ZNF469: variants seen among roughly 807,000 people sequenced by gnomAD.
The protein encoded by ZNF469 is zinc finger protein 469.
In ZNF469, 1 loss-of-function variant was observed where a neutral mutation model predicts 1.0. The ratio of observed to expected loss-of-function variants is 1.00; its 90% CI spans 0.35 to 4.73. The LOEUF is 4.73. Ranked by LOEUF, ZNF469 falls within the 30% of genes most tolerant of loss-of-function variation. ZNF469 has a pLI of 0.16. For synonymous variants in ZNF469, 2,703 were observed against 2,363.4 expected (o/e 1.14, Z -4.17); for missense variants, 6,100 against 5,356.3 (o/e 1.14, Z -4.33).
Position 88,440,472 on chromosome 16 carries a change from GCTTC to G in ZNF469, c.*1145_*1148del, listed in dbSNP as rs1231459815. On this transcript the variant is annotated 3_prime_UTR_variant, in exon 3 of 3. Coordinates refer to ENST00000565624, the MANE Select transcript of ZNF469 (RefSeq NM_001367624.2). Reference sequence around the variant, plus strand: ...TGAAGGTGGGTCAAAGGGTGAGAGGGCTTCCTTCTCACCCTTCTCTCCATAAGTA... The same window carrying G: ...TGAAGGTGGGTCAAAGGGTGAGAGGGCTTCTCACCCTTCTCTCCATAAGTA... 1 of 152,060 alleles carries G rather than the reference GCTTC, an allele frequency of 6.6e-6. No homozygotes were observed. Among genetic ancestry groups the G allele is most frequent in the Non-Finnish European group, 1.5e-5 (1 of 67,986 alleles). 9.4% of individuals were successfully genotyped at this position (152,060 alleles called of 1,614,324 possible).
At chr16:88,403,898 G>A (rs114476087) in intron 1 of ZNF469, among the ~76,000 whole-genome samples, 3,342 of 152,176 alleles carry the variant, frequency 0.022, 109 homozygotes, top group African/African-American at 0.076. Context: ...AGGGGTTCCT[G>A]GTGGGCAAGG....
the ZNF469 span, among the ~76,000 whole-genome samples, chr16:88,241,985 A>C: frequency 6.6e-6 from 1 of 152,118 alleles, no homozygotes; most frequent in African/African-American, 2.4e-5. The surrounding 1 kb of genome is among the most constrained non-coding windows in gnomAD (Gnocchi z 4.8). Context: ...GGATGGGAGG[A>C]AGGGGGTTCA....
chr16:88,348,656 T>G, the ZNF469 span, among the ~76,000 whole-genome samples: 4 of 152,130 alleles, frequency 2.6e-5, no homozygotes, highest in African/African-American at 9.7e-5. Context: ...GCCCAGGCCC[T>G]GCCCAGACCC....
the ZNF469 span, among the ~76,000 whole-genome samples, chr16:88,123,610 T>C: frequency 6.6e-6 from 1 of 152,210 alleles, no homozygotes; most frequent in Non-Finnish European, 1.5e-5. Context: ...GTGGTGAGTA[T>C]ATGTGTGACT....
chr16:88,196,557 T>C, the ZNF469 span, among the ~76,000 whole-genome samples: 1,167 of 152,218 alleles, frequency 7.7e-3, 14 homozygotes, highest in African/African-American at 0.026. Flanking sequence ...AGCCACTCCA[T>C]TGAGTTTGGT....
the ZNF469 span, among the ~76,000 whole-genome samples, chr16:88,229,973 G>A: frequency 2.5e-4 from 38 of 152,294 alleles, no homozygotes; most frequent in Middle Eastern, 3.4e-3. Context: ...TTGGGTCTGG[G>A]ATCCAGGGCA....
In ZNF469 at chr16:88,409,729, C is replaced by G. The variant is rs1905095043; in HGVS notation, c.-191-15078C>G. Among the ~76,000 whole-genome samples the G allele has an allele frequency of 1.3e-5, 2 of 152,200 alleles. 1 individual carries two copies. Among genetic ancestry groups the G allele is most frequent in the South Asian group, 4.1e-4 (2 of 4,832 alleles). ...CAGCTCTGCGTGAGGAAAATGCAAA[C>G]AAAGCTCGGTAAAGCAGGCCGGGGC... On this transcript the variant is annotated intron_variant, in intron 1 of 2. Coordinates refer to ENST00000565624, the MANE Select transcript of ZNF469 (RefSeq NM_001367624.2).
the ZNF469 span, among the ~76,000 whole-genome samples, chr16:88,249,031 C>A: frequency 0.99 from 149,649 of 151,666 alleles, 73,860 homozygotes; most frequent in Non-Finnish European, 1. Context: ...TGGCTGTCTC[C>A]CTCTCACGCT....
At chr16:88,278,756 C>A in the ZNF469 span, among the ~76,000 whole-genome samples, 1 of 127,826 alleles carries the variant, frequency 7.8e-6, no homozygotes, top group Admixed American at 8.6e-5. Flanking sequence ...GTTAGTGCTG[C>A]GCCACGCCGA....
At chr16:88,184,493 C>G in the ZNF469 span, among the ~76,000 whole-genome samples, 1 of 151,842 alleles carries the variant, frequency 6.6e-6, no homozygotes, top group Non-Finnish European at 1.5e-5. Context: ...TCCTGGCGTT[C>G]GGTTTGTTTG....
Position 88,437,473 on chromosome 16 carries a change from C to T in ZNF469, c.10003C>T (p.Pro3335Ser), listed in dbSNP as rs1252058328. 8 of 1,536,732 alleles carry T rather than the reference C, an allele frequency of 5.2e-6. No homozygotes were observed. Among genetic ancestry groups the T allele is most frequent in the Non-Finnish European group, 7.0e-6 (8 of 1,138,136 alleles). ...ATPVHEACKD[P>S]SRDCHHCGKR... ...CCCGGTGCACGAGGCCTGCAAGGAC[C>T]CCTCCCGCGACTGCCACCACTGCGG... is the stretch of plus-strand genomic sequence containing the variant. Residue 3335 changes from proline (P) to serine (S), a missense_variant, in exon 3 of 3, where the codon CCC (proline) becomes TCC (serine). By Grantham distance (74) the Pro-to-Ser change is moderately conservative. Coordinates refer to ENST00000565624, the MANE Select transcript of ZNF469 (RefSeq NM_001367624.2).
the ZNF469 span, among the ~76,000 whole-genome samples, chr16:88,172,146 G>T: frequency 2.0e-5 from 3 of 152,166 alleles, no homozygotes; most frequent in Non-Finnish European, 4.4e-5. Flanking sequence ...AGAACCAGAG[G>T]GCAGACTACT....
the ZNF469 span, among the ~76,000 whole-genome samples, chr16:88,156,912 T>C: frequency 3.3e-5 from 5 of 152,126 alleles, no homozygotes; most frequent in African/African-American, 1.2e-4. Flanking sequence ...TACTCTGTCT[T>C]TTCACAGAGA....
the ZNF469 span, among the ~76,000 whole-genome samples, chr16:88,251,137 C>A: frequency 6.6e-6 from 1 of 152,224 alleles, no homozygotes; most frequent in African/African-American, 2.4e-5. Flanking sequence ...CTCAGCCTCC[C>A]AAAGTGCTGG....
At chr16:88,299,113 G>A in the ZNF469 span, among the ~76,000 whole-genome samples, 1 of 150,398 alleles carries the variant, frequency 6.6e-6, no homozygotes, top group African/African-American at 2.4e-5. Flanking sequence ...GGCAGCTTGG[G>A]GTGGGGAGGG....
the ZNF469 span, among the ~76,000 whole-genome samples, chr16:88,186,922 C>G: frequency 6.6e-6 from 1 of 152,036 alleles, no homozygotes; most frequent in Non-Finnish European, 1.5e-5. Flanking sequence ...GCCGGAGACA[C>G]TGGACCCGGG....
the ZNF469 span, among the ~76,000 whole-genome samples, chr16:88,256,908 T>TCTCTCTCTC: frequency 3.9e-5 from 1 of 25,690 alleles, no homozygotes; most frequent in Admixed American, 4.5e-4. Flanking sequence ...CTTTCTTTCT[T>TCTCTCTCTC]TCTTTCTTTC....
chr16:88,133,413 C>T, the ZNF469 span, among the ~76,000 whole-genome samples: 102 of 152,250 alleles, frequency 6.7e-4, no homozygotes, highest in African/African-American at 2.4e-3. Flanking sequence ...CAGGGAAGGG[C>T]TGAGGAAACC....
chr16:88,158,496 C>T, the ZNF469 span, among the ~76,000 whole-genome samples: 1 of 152,174 alleles, frequency 6.6e-6, no homozygotes. Flanking sequence ...GAAGCACCAC[C>T]TGCCACACCT....
Sources: allele counts gnomAD v4.1 joint callset (sites outside exome capture counted in the v4.1 genomes callset), GRCh38; gene constraint gnomAD v4.1.1; non-coding constraint Gnocchi (gnomAD v3.1); transcripts MANE v1.5; gene names NCBI Gene and HGNC (gene_info 2026-07-23, HGNC 2026-07-21).